ZRANB3: variants seen among roughly 807,000 people sequenced by gnomAD.
ZRANB3 encodes zinc finger RANBP2-type containing 3.
In ZRANB3, 125 loss-of-function variants were observed where a neutral mutation model predicts 133.8. The ratio of observed to expected loss-of-function variants is 0.93; its 90% CI spans 0.81 to 1.08. The LOEUF (loss-of-function observed/expected upper bound fraction) is 1.08. ZRANB3 is among the 50% of genes least tolerant of loss of function. The pLI is 0.00. For missense variants in ZRANB3, 1,229 were observed against 1,275.5 expected (o/e 0.96, Z 0.56); for synonymous variants, 387 against 432.7 (o/e 0.89, Z 1.31).
chr2:135,378,841 G>C (rs946033593), intron 3 of ZRANB3, among the ~76,000 whole-genome samples: 1 of 152,288 alleles, frequency 6.6e-6, no homozygotes, highest in East Asian at 1.9e-4. Flanking sequence ...CTAATTTTCA[G>C]AACTGTAAAG....
intron 3 of ZRANB3, among the ~76,000 whole-genome samples, chr2:135,364,696 G>T (rs957901856): frequency 2.6e-5 from 4 of 152,120 alleles, no homozygotes; most frequent in African/African-American, 9.7e-5. Flanking sequence ...AGGTTGCAGT[G>T]AGCTGAGATT....
intron 2 of ZRANB3, among the ~76,000 whole-genome samples, chr2:135,458,214 T>A (rs1319185930): frequency 6.6e-6 from 1 of 152,158 alleles, no homozygotes; most frequent in African/African-American, 2.4e-5. Flanking sequence ...TGTATGCTTT[T>A]ATTTCTAGTA....
intron 3 of ZRANB3, among the ~76,000 whole-genome samples, chr2:135,383,555 A>T (rs1394789424): frequency 6.6e-6 from 1 of 152,148 alleles, no homozygotes; most frequent in Non-Finnish European, 1.5e-5. Context: ...TCTTCTCAGC[A>T]CCACACCTCA....
At chr2:135,480,160 T>A (rs1049440661) in intron 2 of ZRANB3, among the ~76,000 whole-genome samples, 6 of 151,418 alleles carry the variant, frequency 4.0e-5, no homozygotes, top group Non-Finnish European at 5.9e-5. Context: ...GCCAGGAAGG[T>A]CTCGATCTCC....
intron 1 of ZRANB3, among the ~76,000 whole-genome samples, chr2:135,529,072 G>GCT (rs1491194227): frequency 6.6e-6 from 1 of 152,184 alleles, no homozygotes; most frequent in Admixed American, 6.5e-5. Context: ...TTTAGGCACT[G>GCT]CTCTACCCAA....
At chr2:135,496,845 A>G (rs80302972) in intron 2 of ZRANB3, among the ~76,000 whole-genome samples, 10,322 of 152,176 alleles carry the variant, frequency 0.068, 713 homozygotes, top group African/African-American at 0.18. Context: ...CCAAAGCCCA[A>G]TGCGATACCA....
intron 19 of ZRANB3, among the ~76,000 whole-genome samples, chr2:135,207,167 A>AAAATAAAT (rs746033281): frequency 1.8e-4 from 27 of 148,228 alleles, no homozygotes; most frequent in African/African-American, 5.7e-4. Flanking sequence ...CTCTGTCTCC[A>AAAATAAAT]AAATAAATAA....
At chr2:135,305,930 A>C (rs1448562805) in intron 8 of ZRANB3, among the ~76,000 whole-genome samples, 4 of 152,056 alleles carry the variant, frequency 2.6e-5, no homozygotes, top group African/African-American at 9.7e-5. Context: ...CTTGCCTGTA[A>C]GGTTTCTTTT....
At chr2:135,408,460 C>A (rs552041713) in intron 2 of ZRANB3, among the ~76,000 whole-genome samples, 8 of 149,602 alleles carry the variant, frequency 5.3e-5, no homozygotes, top group Admixed American at 1.3e-4. Flanking sequence ...TTTGACCCAG[C>A]CATCCCATTA....
intron 12 of ZRANB3, among the ~76,000 whole-genome samples, chr2:135,263,002 A>C (rs1680037571): frequency 6.6e-6 from 1 of 152,080 alleles, no homozygotes; most frequent in Admixed American, 6.6e-5. Flanking sequence ...CACCATTCAA[A>C]ATTTACAAAT....
intron 1 of ZRANB3, among the ~76,000 whole-genome samples, chr2:135,518,111 A>T (rs1693775451): frequency 6.6e-6 from 1 of 152,064 alleles, no homozygotes; most frequent in Non-Finnish European, 1.5e-5. Flanking sequence ...CCCTCCCCCT[A>T]CCAAGCTCGA....
chr2:135,445,756 A>T (rs1309273038), intron 2 of ZRANB3, among the ~76,000 whole-genome samples: 1 of 150,170 alleles, frequency 6.7e-6, no homozygotes. Flanking sequence ...GGTGCCTGTA[A>T]TCCCAGCTAC....
chr2:135,420,530 T>C (rs1688796970), intron 2 of ZRANB3, among the ~76,000 whole-genome samples: 1 of 152,070 alleles, frequency 6.6e-6, no homozygotes, highest in Non-Finnish European at 1.5e-5. Flanking sequence ...TGTGATTCAT[T>C]CCTAACTAAG....
Position 135,353,638 on chromosome 2 carries a change from AAAAT to A in ZRANB3, c.181-14_181-11del. ...TCTTTCCTAGACCCATCTAAATTAAAAAATAAATAAATGTTAATAATAGAGCCTA... is the reference window on the plus strand; with the variant it reads ...TCTTTCCTAGACCCATCTAAATTAAAAAATAAATGTTAATAATAGAGCCTA... On this transcript the variant is annotated splice_polypyrimidine_tract_variant and intron_variant, in intron 3 of 20. Transcript: ENST00000264159. The A allele has an allele frequency of 7.1e-7, 1 of 1,413,378 alleles. No homozygotes were observed. Among genetic ancestry groups the A allele is most frequent in the Non-Finnish European group, 9.3e-7 (1 of 1,073,816 alleles). 87.6% of individuals were successfully genotyped at this position (1,413,378 alleles called of 1,614,324 possible). A position where few individuals can be genotyped will look rare whatever the true frequency, so the allele number is the denominator to read the frequency against.
intron 1 of ZRANB3, chr2:135,510,650 C>T: frequency 2.5e-6 from 2 of 787,614 alleles, no homozygotes; most frequent in South Asian, 1.4e-5. Context: ...CATAGAGGGC[C>T]TCCAGGTCCC....
At chr2:135,334,421 C>T (rs144075479) in intron 6 of ZRANB3, among the ~76,000 whole-genome samples, 46 of 152,232 alleles carry the variant, frequency 3.0e-4, no homozygotes, top group African/African-American at 1.1e-3. Context: ...TAATATTTAT[C>T]TAATTATTTT....
chr2:135,524,729 A>G (rs2104846517), intron 1 of ZRANB3, among the ~76,000 whole-genome samples: 1 of 152,274 alleles, frequency 6.6e-6, no homozygotes, highest in East Asian at 1.9e-4. Context: ...AGTCAAAGAA[A>G]AGAGAGAACA....
intron 2 of ZRANB3, among the ~76,000 whole-genome samples, chr2:135,392,748 A>T (rs1687299654): frequency 6.6e-6 from 1 of 152,208 alleles, no homozygotes; most frequent in Admixed American, 6.5e-5. Context: ...ACTCCGTCTC[A>T]AAAACCACAA....
intron 9 of ZRANB3, among the ~76,000 whole-genome samples, chr2:135,275,300 GC>G (rs1404549057): frequency 1.3e-4 from 19 of 147,258 alleles, no homozygotes; most frequent in African/African-American, 4.8e-4. Context: ...GGCGGGGGCT[GC>G]CCCCCACCTC....
Sources: allele counts gnomAD v4.1 joint callset (sites outside exome capture counted in the v4.1 genomes callset), GRCh38; gene constraint gnomAD v4.1.1; transcripts MANE v1.5; gene names NCBI Gene and HGNC (gene_info 2026-07-23, HGNC 2026-07-21).